CSMD1: variants seen among roughly 807,000 people sequenced by gnomAD.
CSMD1 encodes the protein CUB and Sushi multiple domains 1.
CSMD1 carries 213 observed loss-of-function variants against 417.5 expected under a neutral mutation model. The observed-to-expected ratio is 0.51, with a 90% confidence interval of 0.46 to 0.57. CSMD1 has a LOEUF of 0.57. CSMD1 is among the 20% of genes least tolerant of loss of function. CSMD1 has a pLI of 0.00. For missense variants in CSMD1, 6,923 were observed against 4,529.7 expected (o/e 1.53, Z -15.17); for synonymous variants, 2,862 against 1,736.8 (o/e 1.65, Z -16.11).
intron 54 of CSMD1, among the ~76,000 whole-genome samples, chr8:2,979,379 A>G (rs1420560215): frequency 6.6e-6 from 1 of 152,238 alleles, no homozygotes; most frequent in Non-Finnish European, 1.5e-5. Flanking sequence ...GTCCGTGGTG[A>G]GGCAGTCTTC....
At chr8:3,709,680 GTTT>G (rs56272726) in intron 6 of CSMD1, among the ~76,000 whole-genome samples, 729 of 33,686 alleles carry the variant, frequency 0.022, 50 homozygotes, top group Non-Finnish European at 0.029. Flanking sequence ...GCAGCAGCAT[GTTT>G]TTTTTTTTTT....
intron 7 of CSMD1, among the ~76,000 whole-genome samples, chr8:3,650,893 C>T (rs978626516): frequency 6.6e-6 from 1 of 152,130 alleles, no homozygotes; most frequent in Non-Finnish European, 1.5e-5. Context: ...TCTGGAATAT[C>T]GAACGTCTTC....
At chr8:3,810,416 T>G (rs746172516) in intron 5 of CSMD1, among the ~76,000 whole-genome samples, 14 of 152,138 alleles carry the variant, frequency 9.2e-5, no homozygotes, top group Non-Finnish European at 1.9e-4. Flanking sequence ...GTCCAAGTGT[T>G]TTCTTGTTAA....
intron 2 of CSMD1, among the ~76,000 whole-genome samples, chr8:4,476,200 C>G (rs1464475785): frequency 6.6e-6 from 1 of 151,946 alleles, no homozygotes. Flanking sequence ...CTGATAATTT[C>G]TTTTTAACAG....
At chr8:4,527,495 AAAG>A (rs1563258020) in intron 2 of CSMD1, among the ~76,000 whole-genome samples, 1 of 152,166 alleles carries the variant, frequency 6.6e-6, no homozygotes, top group African/African-American at 2.4e-5. Flanking sequence ...GTCAAGATAT[AAAG>A]AATGAGTATC....
intron 1 of CSMD1, among the ~76,000 whole-genome samples, chr8:4,957,199 G>C (rs1281192787): frequency 4.6e-5 from 7 of 152,194 alleles, no homozygotes; most frequent in African/African-American, 1.7e-4. Context: ...TAGACCTAAA[G>C]CTATAGCAAA....
At chr8:3,705,434 C>A (rs556608430) in intron 7 of CSMD1, among the ~76,000 whole-genome samples, 1 of 152,198 alleles carries the variant, frequency 6.6e-6, no homozygotes, top group African/African-American at 2.4e-5. Context: ...GTGAAGCCAG[C>A]ACTGGATGAA....
At chr8:3,673,837 G>T (rs1408089405) in intron 7 of CSMD1, among the ~76,000 whole-genome samples, 3 of 152,176 alleles carry the variant, frequency 2.0e-5, no homozygotes, top group Admixed American at 6.5e-5. Flanking sequence ...TCTCTGGAGG[G>T]CCAGGCATGG....
rs1019901765 is a variant in CSMD1, at chr8:3,938,679, G to C, written c.818+59224C>G. ...GAAGTCTGCTTCTGTTAATTACTTT[G>C]AATGGCAGGAGTTGACTCTACAACA... On this transcript the variant is annotated intron_variant, in intron 5 of 69. Transcript: ENST00000635120. Among the ~76,000 whole-genome samples the C allele has an allele frequency of 2.0e-5, 3 of 152,148 alleles. No homozygotes were observed. The East Asian group carries it at 5.8e-4, about 29-fold the overall frequency.
chr8:3,373,985 C>T (rs1305725520), intron 18 of CSMD1, among the ~76,000 whole-genome samples: 1 of 140,852 alleles, frequency 7.1e-6, no homozygotes, highest in Non-Finnish European at 1.5e-5. Context: ...TGGAGACTTG[C>T]TTCTTTGCCC....
chr8:4,581,245 A>T (rs940631186), intron 2 of CSMD1, among the ~76,000 whole-genome samples: 1 of 152,230 alleles, frequency 6.6e-6, no homozygotes, highest in African/African-American at 2.4e-5. Flanking sequence ...AATTAATAAT[A>T]ATTGGGCATT....
chr8:4,849,729 T>C (rs905651075), intron 1 of CSMD1, among the ~76,000 whole-genome samples: 6 of 152,308 alleles, frequency 3.9e-5, no homozygotes, highest in Non-Finnish European at 8.8e-5. Context: ...GGCTATACCA[T>C]ACATCCTAGG....
intron 3 of CSMD1, among the ~76,000 whole-genome samples, chr8:4,153,678 A>T (rs962749296): frequency 6.6e-6 from 1 of 152,166 alleles, no homozygotes; most frequent in Non-Finnish European, 1.5e-5. Context: ...CACTGCCTGG[A>T]ATTTCCGCTT....
At position 4,138,347 on chromosome 8, in the gene CSMD1, C is replaced by G. The variant is rs1371901777; in HGVS notation, c.416-106248G>C. On this transcript the variant is annotated intron_variant, in intron 3 of 69. Transcript: ENST00000635120. The stretch of plus-strand genomic sequence containing the variant: ...TTTACACATTTGAGTTGTGGCAAAG[C>G]TGGGGCAAGGAGTCAGTGTTCTGAT... 9.9e-5 allele frequency among the ~76,000 whole-genome samples: 15 copies of G among 151,756 alleles called. 1 individual carries two copies. Among genetic ancestry groups the G allele is most frequent in the Admixed American group, 7.2e-4 (11 of 15,176 alleles).
At chr8:4,709,298 G>A (rs972767794) in intron 1 of CSMD1, among the ~76,000 whole-genome samples, 1 of 152,192 alleles carries the variant, frequency 6.6e-6, no homozygotes, top group Non-Finnish European at 1.5e-5. Context: ...GTAGAAGGAG[G>A]TGCTGAACTA....
intron 46 of CSMD1, among the ~76,000 whole-genome samples, chr8:3,100,689 G>T (rs1029175013): frequency 1.3e-5 from 2 of 152,234 alleles, no homozygotes; most frequent in East Asian, 3.9e-4. Flanking sequence ...TGTTTTTAAA[G>T]AAAAATAAAA....
intron 3 of CSMD1, among the ~76,000 whole-genome samples, chr8:4,345,365 T>A (rs766723840): frequency 1.3e-5 from 2 of 152,140 alleles, no homozygotes; most frequent in Admixed American, 6.6e-5. Flanking sequence ...ATTTTTGACA[T>A]GTAATTATAC....
intron 2 of CSMD1, among the ~76,000 whole-genome samples, chr8:4,520,761 T>C (rs928198420): frequency 1.2e-4 from 19 of 152,244 alleles, no homozygotes; most frequent in African/African-American, 4.6e-4. Context: ...ATTTAATTTA[T>C]GAATTTTAAA....
At chr8:4,531,348 G>C (rs1203624450) in intron 2 of CSMD1, among the ~76,000 whole-genome samples, 1 of 152,166 alleles carries the variant, frequency 6.6e-6, no homozygotes, top group Non-Finnish European at 1.5e-5. Flanking sequence ...TTCAAGAACA[G>C]AGTCTATAAT....
Sources: gnomAD v4.1 joint callset for allele counts (sites outside exome capture counted in the v4.1 genomes callset) on GRCh38, gnomAD v4.1.1 for gene constraint, MANE v1.5 for transcripts, NCBI Gene and HGNC (gene_info 2026-07-23, HGNC 2026-07-21) for gene names.